Variants in WBP2NL observed in about 807,000 individuals in gnomAD.
WBP2NL encodes WBP2 N-terminal like, also known as postacrosomal sheath WW domain-binding protein.
WBP2NL carries 27 observed loss-of-function variants against 23.3 expected under a neutral mutation model. That is an observed-to-expected ratio of 1.16 (90% confidence interval 0.85 to 1.60). WBP2NL has a LOEUF of 1.60. Among genes scored for constraint, WBP2NL ranks in the 40% most tolerant of loss-of-function variants. The probability of loss-of-function intolerance (pLI) is 0.00; values close to 1 mark genes in which losing one functional copy is unlikely to be tolerated. For missense variants in WBP2NL, 370 were observed against 389.5 expected, an observed-to-expected ratio of 0.95 and a Z score of 0.42; for synonymous variants, 151 against 145.9, an observed-to-expected ratio of 1.03 and a Z score of -0.25.
At chr22:42,048,777 A>AG (rs1270840211) in intron 8 of WBP2NL, among the ~76,000 whole-genome samples, 1 of 151,514 alleles carries the variant, frequency 6.6e-6, no homozygotes. Context: ...AAAGAAAAGA[A>AG]AAAAAAGAAA....
intron 8 of WBP2NL, among the ~76,000 whole-genome samples, chr22:42,042,026 G>C (rs1306961723): frequency 6.6e-6 from 1 of 152,182 alleles, no homozygotes; most frequent in African/African-American, 2.4e-5. Context: ...CAAAATTTTT[G>C]TGGAGAAATC....
chr22:42,005,349 A>G (rs112230210), intron 1 of WBP2NL, among the ~76,000 whole-genome samples: 7,622 of 152,066 alleles, frequency 0.05, 625 homozygotes, highest in African/African-American at 0.17. Context: ...CCCCATCTCT[A>G]CTAAAAATAC....
chr22:42,051,416 G>A (rs772013870), intron 8 of WBP2NL, among the ~76,000 whole-genome samples: 1 of 152,190 alleles, frequency 6.6e-6, no homozygotes, highest in Non-Finnish European at 1.5e-5. Flanking sequence ...GTATGATACT[G>A]TAACAGTGGG....
intron 4 of WBP2NL, among the ~76,000 whole-genome samples, chr22:42,021,266 G>A (rs928307222): frequency 2.0e-5 from 3 of 151,892 alleles, no homozygotes; most frequent in Non-Finnish European, 4.4e-5. Flanking sequence ...TCTTTGTACA[G>A]CCAGCAGAGA....
At chr22:42,052,784 C>T (rs767839117) in intron 8 of WBP2NL, among the ~76,000 whole-genome samples, 2 of 152,212 alleles carry the variant, frequency 1.3e-5, no homozygotes, top group African/African-American at 2.4e-5. Flanking sequence ...TTCATCTTCA[C>T]TGCGATCACC....
At chr22:42,043,765 T>C (rs189271121) in intron 8 of WBP2NL, among the ~76,000 whole-genome samples, 1 of 151,980 alleles carries the variant, frequency 6.6e-6, no homozygotes, top group Admixed American at 6.6e-5. Context: ...CTTGCTCTGT[T>C]GCCCAGGCTA....
chr22:42,017,977 C>T (rs536600800), intron 1 of WBP2NL, among the ~76,000 whole-genome samples: 1 of 151,922 alleles, frequency 6.6e-6, no homozygotes, highest in African/African-American at 2.4e-5. Context: ...GGTGAAACCC[C>T]GTCTCTACCA....
intron 8 of WBP2NL, among the ~76,000 whole-genome samples, chr22:42,049,690 C>CAA (rs1925747216): frequency 5.3e-5 from 2 of 37,452 alleles, no homozygotes; most frequent in Non-Finnish European, 8.0e-5. Flanking sequence ...ACTCCGTCTC[C>CAA]AAAACAAAAC....
At chr22:42,026,228 C>T (rs1253661043) in intron 5 of WBP2NL, among the ~76,000 whole-genome samples, 10 of 150,774 alleles carry the variant, frequency 6.6e-5, no homozygotes, top group East Asian at 1.9e-4. Flanking sequence ...GCCAAGATCG[C>T]GCCACTGCAC....
intron 5 of WBP2NL, among the ~76,000 whole-genome samples, chr22:42,023,606 C>T (rs1407165521): frequency 2.0e-5 from 3 of 152,088 alleles, no homozygotes; most frequent in African/African-American, 7.2e-5. Context: ...ATTCTCCTGC[C>T]TCAGCCTCCT....
chr22:42,008,923 T>C (rs1442543435), intron 1 of WBP2NL, among the ~76,000 whole-genome samples: 2 of 152,298 alleles, frequency 1.3e-5, no homozygotes, highest in East Asian at 1.9e-4. Context: ...GGACTACAGG[T>C]GTCCACCACC....
At chr22:42,005,148 C>T (rs190842829) in intron 1 of WBP2NL, among the ~76,000 whole-genome samples, 28 of 151,328 alleles carry the variant, frequency 1.9e-4, no homozygotes, top group Admixed American at 1.6e-3. Context: ...ACCCAGGAGG[C>T]GGAGGTTGCA....
At chr22:42,036,389 T>C (rs1602475272), downstream of WBP2NL, among the ~76,000 whole-genome samples, 1 of 152,266 alleles carries the variant, frequency 6.6e-6, no homozygotes, top group East Asian at 1.9e-4. Context: ...TTAGCCAGGA[T>C]GGTCTTGATC....
chr22:42,053,966 T>C (rs1925936244), intron 8 of WBP2NL, among the ~76,000 whole-genome samples: 1 of 152,084 alleles, frequency 6.6e-6, no homozygotes. Context: ...TTATTTTTTA[T>C]TTAAAAAAAA....
At chr22:42,021,570 A>G in intron 4 of WBP2NL, among the ~76,000 whole-genome samples, 1 of 152,214 alleles carries the variant, frequency 6.6e-6, no homozygotes, top group East Asian at 1.9e-4. Flanking sequence ...AGGGGAGACA[A>G]GACAAAAGTG....
downstream of WBP2NL, among the ~76,000 whole-genome samples, chr22:42,035,518 G>GC (rs1394800141): frequency 1.3e-5 from 2 of 152,246 alleles, no homozygotes; most frequent in African/African-American, 4.8e-5. Context: ...GGAGCATGCA[G>GC]CCCTGGCCAT....
rs925748945 is a variant in WBP2NL at position 42,001,788 on chromosome 22, C to G, written c.62+2908C>G. On this transcript the variant is annotated intron_variant, in intron 1 of 5. Transcript: ENST00000328823. ...CAGGACTCCGTGCTCCTTGGGAATA[C>G]AGACCATGCAGTCTCTAATGCCCTT... The G allele has an allele frequency of 5.8e-6, 7 of 1,209,276 alleles. No individual in the cohort carries two copies. The African/African-American group carries it at 1.1e-4, about 18-fold the overall frequency. 74.9% of individuals were successfully genotyped at this position (1,209,276 alleles called of 1,614,324 possible).
chr22:42,047,512 C>T (rs1925639655), intron 8 of WBP2NL, among the ~76,000 whole-genome samples: 1 of 151,118 alleles, frequency 6.6e-6, no homozygotes, highest in Non-Finnish European at 1.5e-5. Context: ...ATCGCTTGAA[C>T]CTGGGCGGCG....
chr22:42,004,600 C>CA (rs1569445445), intron 1 of WBP2NL, among the ~76,000 whole-genome samples: 1 of 151,932 alleles, frequency 6.6e-6, no homozygotes, highest in African/African-American at 2.4e-5. Context: ...GACCCTGTCT[C>CA]AAAAAAGAGA....
Sources: gnomAD v4.1 joint callset for allele counts (sites outside exome capture counted in the v4.1 genomes callset) on GRCh38, gnomAD v4.1.1 for gene constraint, MANE v1.5 for transcripts, NCBI Gene and HGNC (gene_info 2026-07-23, HGNC 2026-07-21) for gene names.